RFC3: variants seen among roughly 807,000 people sequenced by gnomAD.
The protein encoded by RFC3 is A1 38 kDa subunit.
A neutral mutation model predicts 45.1 loss-of-function variants in RFC3; 41 were observed. That is an observed-to-expected ratio of 0.91 (90% confidence interval 0.71 to 1.18). RFC3 has a LOEUF of 1.18. RFC3 is among the 50% of genes most tolerant of loss of function. RFC3 has a pLI of 0.00. For synonymous variants in RFC3, 149 were observed against 144.0 expected (o/e 1.03, Z -0.25); for missense variants, 423 against 428.1 (o/e 0.99, Z 0.10).
intron 8 of RFC3, among the ~76,000 whole-genome samples, chr13:33,858,160 C>T (rs922704395): frequency 2.6e-5 from 4 of 152,124 alleles, no homozygotes; most frequent in African/African-American, 7.2e-5. Context: ...GATGACCAGC[C>T]TTAATCCAGA....
At chr13:33,839,211 G>C (rs1247153222), downstream of RFC3, among the ~76,000 whole-genome samples, 1 of 152,150 alleles carries the variant, frequency 6.6e-6, no homozygotes, top group Admixed American at 6.6e-5. Flanking sequence ...CCCCTCTGTG[G>C]TTCTTCCACT....
intron 8 of RFC3, among the ~76,000 whole-genome samples, chr13:33,901,412 T>A (rs1461813971): frequency 6.6e-6 from 1 of 152,078 alleles, no homozygotes; most frequent in Non-Finnish European, 1.5e-5. Context: ...TGGAGGTCAT[T>A]ATTTTAAATG....
At chr13:33,957,545 G>A (rs984795809) in intron 8 of RFC3, among the ~76,000 whole-genome samples, 3 of 152,090 alleles carry the variant, frequency 2.0e-5, no homozygotes, top group Non-Finnish European at 2.9e-5. Context: ...AGAAATGGGC[G>A]ACATTTGTTT....
intron 8 of RFC3, among the ~76,000 whole-genome samples, chr13:33,873,660 A>G (rs1473584207): frequency 1.3e-5 from 2 of 152,168 alleles, no homozygotes; most frequent in Non-Finnish European, 2.9e-5. Context: ...TCCACTGTTT[A>G]CTCATGATGA....
intron 8 of RFC3, among the ~76,000 whole-genome samples, chr13:33,897,298 T>A (rs1423532754): frequency 6.6e-6 from 1 of 152,050 alleles, no homozygotes; most frequent in Non-Finnish European, 1.5e-5. Context: ...TTTGTTTCTA[T>A]TCTTTGTTTC....
At chr13:33,931,483 T>A (rs2082851607) in intron 8 of RFC3, among the ~76,000 whole-genome samples, 1 of 152,106 alleles carries the variant, frequency 6.6e-6, no homozygotes, top group Non-Finnish European at 1.5e-5. Flanking sequence ...TGAGACAAGA[T>A]ATTACCTTTT....
At chr13:33,894,310 A>T (rs1327398746) in intron 8 of RFC3, among the ~76,000 whole-genome samples, 1 of 152,154 alleles carries the variant, frequency 6.6e-6, no homozygotes, top group Admixed American at 6.6e-5. Context: ...TGGGGAGTAT[A>T]TGAGAAGGAG....
intron 8 of RFC3, among the ~76,000 whole-genome samples, chr13:33,919,780 CA>C (rs1198751688): frequency 6.6e-6 from 1 of 151,982 alleles, no homozygotes; most frequent in African/African-American, 2.4e-5. Flanking sequence ...TGGCAGATTT[CA>C]GGGGGAAAAG....
chr13:33,949,467 G>A (rs775404590), intron 8 of RFC3, among the ~76,000 whole-genome samples: 16 of 152,202 alleles, frequency 1.1e-4, no homozygotes, highest in South Asian at 4.1e-4. Flanking sequence ...GTTAAGCACC[G>A]TACTCAATTC....
chr13:33,950,101 ACACACC>A (rs2082980127), intron 8 of RFC3, among the ~76,000 whole-genome samples: 1 of 150,234 alleles, frequency 6.7e-6, no homozygotes, highest in African/African-American at 2.5e-5. Context: ...ACACACACAC[ACACACC>A]CCGTTATGGT....
chr13:33,958,408 A>G (rs2083035327), intron 8 of RFC3, among the ~76,000 whole-genome samples: 1 of 152,192 alleles, frequency 6.6e-6, no homozygotes, highest in Non-Finnish European at 1.5e-5. Flanking sequence ...AGGTATTTGC[A>G]CTTTGCTCCT....
intron 8 of RFC3, among the ~76,000 whole-genome samples, chr13:33,878,246 TA>T (rs1243834851): frequency 2.0e-5 from 3 of 152,228 alleles, no homozygotes; most frequent in African/African-American, 7.2e-5. Flanking sequence ...CATACAAAAA[TA>T]TTTTTAAATA....
intron 8 of RFC3, chr13:33,849,722 C>CA (rs1236991098): frequency 1.3e-5 from 2 of 151,914 alleles, no homozygotes; most frequent in Non-Finnish European, 2.9e-5. Context: ...AATAAAAATA[C>CA]AAAAAATTAG....
intron 8 of RFC3, among the ~76,000 whole-genome samples, chr13:33,844,758 T>C (rs1330112035): frequency 6.6e-6 from 1 of 152,194 alleles, no homozygotes; most frequent in Non-Finnish European, 1.5e-5. Context: ...GTTGTTGTAG[T>C]TATTTTTGAT....
intron 8 of RFC3, among the ~76,000 whole-genome samples, chr13:33,857,911 G>A (rs1039887209): frequency 1.3e-5 from 2 of 152,182 alleles, no homozygotes; most frequent in African/African-American, 2.4e-5. Flanking sequence ...GAGTTTGGAG[G>A]TAGACAGCTT....
rs114817797 is a variant in RFC3 at position 33,937,998 on chromosome 13, A to G, written c.880-28089A>G. ...TTGTGCTTGCTTATCCAGAAGATCA[A>G]TCAGGAAGAGAAGCACGCCATGGGC... is the stretch of plus-strand genomic sequence containing the variant. On this transcript the variant is annotated intron_variant, in intron 8 of 8. Transcript: ENST00000434425. Among the ~76,000 whole-genome samples the G allele has an allele frequency of 1.0e-3, 156 of 152,212 alleles. 1 individual carries two copies. Among genetic ancestry groups the G allele is most frequent in the African/African-American group, 3.2e-3 (132 of 41,554 alleles).
At chr13:33,825,680 A>T in intron 3 of RFC3, 109 bp from the exon 4 acceptor site, 1 of 488,406 alleles carries the variant, frequency 2.0e-6, no homozygotes, top group Non-Finnish European at 3.5e-6. Context: ...AATTATAGTT[A>T]AGTGATATTA....
chr13:33,828,904 C>G (rs772604303), intron 4 of RFC3, among the ~76,000 whole-genome samples: 1 of 152,158 alleles, frequency 6.6e-6, no homozygotes, highest in Non-Finnish European at 1.5e-5. Flanking sequence ...TTGAGCTTTT[C>G]CTGTCATAAA....
At chr13:33,966,152 G>C (rs780120831) in exon 9 of RFC3, 2 of 1,580,094 alleles carry the variant, frequency 1.3e-6, no homozygotes, top group South Asian at 2.2e-5. Context: ...ACTTGCTACT[G>C]ACTGGACTTC....
Sources: allele counts gnomAD v4.1 joint callset (sites outside exome capture counted in the v4.1 genomes callset), GRCh38; gene constraint gnomAD v4.1.1; transcripts MANE v1.5; gene names NCBI Gene and HGNC (gene_info 2026-07-23, HGNC 2026-07-21).